The following ZDHHC15 variants were observed in gnomAD, a reference collection of about 807,000 sequenced individuals.
ZDHHC15 encodes the protein palmitoyltransferase ZDHHC15.
Under a neutral mutation model 31.7 loss-of-function variants are expected in ZDHHC15, and 19 were observed. The observed-to-expected ratio is 0.60, with a 90% CI of 0.42 to 0.88. The LOEUF (loss-of-function observed/expected upper bound fraction) is 0.88, where lower values mean the gene tolerates loss of function less well. ZDHHC15 is among the 40% of genes least tolerant of loss of function. The pLI, the probability that ZDHHC15 is intolerant of heterozygous loss-of-function variation, is 0.00. For synonymous variants in ZDHHC15, 103 were observed against 90.0 expected (o/e 1.14, Z -0.82); for missense variants, 209 against 251.2 (o/e 0.83, Z 1.14).
chrX:75,454,468 C>A (rs980409879), intron 3 of ZDHHC15, among the ~76,000 whole-genome samples: 18 of 111,743 alleles, frequency 1.6e-4, no homozygotes, highest in African/African-American at 5.8e-4. Context: ...ATGGCTAGGT[C>A]AAATGGTATT....
intron 2 of ZDHHC15, among the ~76,000 whole-genome samples, chrX:75,488,792 C>T (rs769425705): frequency 2.5e-4 from 28 of 111,854 alleles, no homozygotes; most frequent in African/African-American, 8.8e-4. Flanking sequence ...CGAAGCAGGG[C>T]GAGGCATTGC....
At chrX:75,476,374 T>G (rs2084605358) in intron 3 of ZDHHC15, among the ~76,000 whole-genome samples, 1 of 111,150 alleles carries the variant, frequency 9.0e-6, no homozygotes, top group African/African-American at 3.3e-5. Flanking sequence ...TGATTACTAA[T>G]TCTATATCTT....
intron 10 of ZDHHC15, among the ~76,000 whole-genome samples, chrX:75,391,868 A>G (rs1169584609): frequency 8.9e-6 from 1 of 112,242 alleles, no homozygotes; most frequent in Non-Finnish European, 1.9e-5. Context: ...TAGAAAGACT[A>G]AAAGATGAAC....
At chrX:75,465,156 C>T (rs2084382294) in intron 3 of ZDHHC15, among the ~76,000 whole-genome samples, 1 of 111,869 alleles carries the variant, frequency 8.9e-6, no homozygotes, top group Admixed American at 9.5e-5. Context: ...TCCTATACAT[C>T]AACAACTGGT....
intron 3 of ZDHHC15, among the ~76,000 whole-genome samples, chrX:75,463,604 C>CAACAACAACAACAACAACAAA (rs1296063398): frequency 3.6e-5 from 4 of 110,864 alleles, no homozygotes; most frequent in South Asian, 7.7e-4. Context: ...ACAACAACAA[C>CAACAACAACAACAACAACAAA]AAAAAACCCA....
intron 9 of ZDHHC15, among the ~76,000 whole-genome samples, chrX:75,420,542 C>T (rs922414320): frequency 1.8e-5 from 2 of 111,525 alleles, no homozygotes; most frequent in Non-Finnish European, 3.8e-5. Context: ...ATAGCAAAGA[C>T]TTGGAACCAA....
chrX:75,432,827 A>C (rs903968394), intron 4 of ZDHHC15, among the ~76,000 whole-genome samples: 3 of 110,364 alleles, frequency 2.7e-5, no homozygotes, highest in African/African-American at 6.6e-5. Context: ...AAAATAAAAT[A>C]AAATAAATTA....
chrX:75,518,742 A>G (rs2085397677), intron 1 of ZDHHC15, among the ~76,000 whole-genome samples: 1 of 91,945 alleles, frequency 1.1e-5, no homozygotes, highest in Non-Finnish European at 2.1e-5. Context: ...CCAAATGGCC[A>G]TTAATGGATG....
At chrX:75,457,848 T>C (rs2147929071) in intron 3 of ZDHHC15, among the ~76,000 whole-genome samples, 1 of 112,002 alleles carries the variant, frequency 8.9e-6, no homozygotes, top group African/African-American at 3.2e-5. Flanking sequence ...ATTAGTATTG[T>C]AAATAATCTA....
chrX:75,447,587 C>T (rs919642847), intron 4 of ZDHHC15, among the ~76,000 whole-genome samples: 11 of 111,611 alleles, frequency 9.9e-5, no homozygotes, highest in African/African-American at 3.6e-4. Flanking sequence ...TTCCCAAAAG[C>T]TGTATATGCT....
intron 3 of ZDHHC15, among the ~76,000 whole-genome samples, chrX:75,457,242 G>T (rs2084238008): frequency 9.0e-6 from 1 of 110,675 alleles, no homozygotes; most frequent in South Asian, 3.8e-4. Context: ...CATTACTAAT[G>T]ATATTGAGCA....
At chrX:75,432,879 G>A (rs1205842628) in intron 4 of ZDHHC15, among the ~76,000 whole-genome samples, 1 of 111,267 alleles carries the variant, frequency 9.0e-6, no homozygotes. Context: ...AGCTACTTGG[G>A]AGGCCGAGGC....
At chrX:75,454,889 C>T (rs1388842161) in intron 3 of ZDHHC15, among the ~76,000 whole-genome samples, 3 of 111,793 alleles carry the variant, frequency 2.7e-5, no homozygotes, top group Non-Finnish European at 5.6e-5. Context: ...AATGGAAGAA[C>T]ATTCCATGCT....
intron 4 of ZDHHC15, among the ~76,000 whole-genome samples, chrX:75,441,918 C>T (rs1053103969): frequency 6.3e-5 from 7 of 111,227 alleles, no homozygotes; most frequent in South Asian, 3.8e-4. Context: ...CCACCACACC[C>T]GGCCACCCTG....
rs2083003121 is a variant in ZDHHC15 at position 75,371,165 on chromosome X, A to T, written c.*1813T>A. The T allele has an allele frequency of 8.9e-6, 1 of 112,023 alleles. No homozygotes were observed. The highest frequency in any genetic ancestry group is 1.9e-5 in the Non-Finnish European group (1 of 53,273). 9.2% of individuals were successfully genotyped at this position (112,023 alleles called of 1,213,427 possible). ...TAGAAAAAGGTGCATATCTATATGA[A>T]TAGAAGACAAGGCTTGTCTGTCATA... On this transcript the variant is annotated 3_prime_UTR_variant, in exon 12 of 12. Transcript: ENST00000373367.
intron 4 of ZDHHC15, among the ~76,000 whole-genome samples, chrX:75,440,424 C>A (rs192407969): frequency 9.0e-6 from 1 of 111,019 alleles, no homozygotes; most frequent in Non-Finnish European, 1.9e-5. Flanking sequence ...GGACTACAGG[C>A]GCCCACCACC....
At chrX:75,476,718 C>G (rs1409551702) in intron 3 of ZDHHC15, among the ~76,000 whole-genome samples, 2 of 103,463 alleles carry the variant, frequency 1.9e-5, no homozygotes, top group African/African-American at 7.1e-5. Flanking sequence ...TCCCTCCCTT[C>G]TCCTCTCCTC....
intron 10 of ZDHHC15, among the ~76,000 whole-genome samples, chrX:75,396,367 G>A (rs1446874591): frequency 3.6e-5 from 4 of 111,897 alleles, no homozygotes; most frequent in African/African-American, 1.3e-4. Flanking sequence ...ATGAAGACAT[G>A]CAAATGGCAA....
chrX:75,438,878 T>G (rs751387100), intron 4 of ZDHHC15, among the ~76,000 whole-genome samples: 58 of 112,389 alleles, frequency 5.2e-4, no homozygotes, highest in African/African-American at 1.9e-3. Flanking sequence ...AGCATTTTTT[T>G]GTCTAAAAAA....
Sources: allele counts gnomAD v4.1 joint callset (sites outside exome capture counted in the v4.1 genomes callset), GRCh38; gene constraint gnomAD v4.1.1; transcripts MANE v1.5; gene names NCBI Gene and HGNC (gene_info 2026-07-23, HGNC 2026-07-21).